The following CELF2 variants were observed in gnomAD, a reference collection of about 807,000 sequenced individuals.
CELF2 encodes the protein CUGBP Elav-like family member 2, also known as CUG triplet repeat RNA-binding protein 2.
A neutral mutation model predicts 62.6 loss-of-function variants in CELF2; 8 were observed. The ratio of observed to expected loss-of-function variants is 0.13; its 90% CI spans 0.07 to 0.23. The LOEUF is 0.23. Ranked by LOEUF, CELF2 falls within the 10% of genes least tolerant of loss-of-function variation. The pLI is 1.00. For synonymous variants in CELF2, 258 were observed against 250.0 expected (o/e 1.03, Z -0.30); for missense variants, 333 against 671.0 (o/e 0.50, Z 5.56).
intron 4 of CELF2, among the ~76,000 whole-genome samples, chr10:11,256,573 CT>C (rs374817123): frequency 0.017 from 1,722 of 100,838 alleles, 21 homozygotes; most frequent in Middle Eastern, 0.056. Flanking sequence ...TGGCTAGCTT[CT>C]TTTTTTTTTT....
At chr10:10,465,171 G>GA in the CELF2 span, among the ~76,000 whole-genome samples, 1 of 152,096 alleles carries the variant, frequency 6.6e-6, no homozygotes, top group Non-Finnish European at 1.5e-5. Context: ...ATTGCTCCCT[G>GA]AAAATACGAC....
At chr10:10,878,256 T>C (rs1047547800) in intron 1 of CELF2, among the ~76,000 whole-genome samples, 2 of 152,024 alleles carry the variant, frequency 1.3e-5, no homozygotes, top group Non-Finnish European at 1.5e-5. Flanking sequence ...TCAACTAGCT[T>C]GGACCCAAGG....
chr10:11,137,952 G>A (rs1185924299), intron 1 of CELF2, among the ~76,000 whole-genome samples: 1 of 152,176 alleles, frequency 6.6e-6, no homozygotes, highest in East Asian at 1.9e-4. Context: ...ACCAACCAGT[G>A]TTTGTTCAAT....
chr10:10,708,926 A>G, the CELF2 span, among the ~76,000 whole-genome samples: 1 of 152,182 alleles, frequency 6.6e-6, no homozygotes, highest in South Asian at 2.1e-4. Context: ...GGCTAAATTT[A>G]TATCTAGAAA....
chr10:10,825,891 A>G (rs1017052642), intron 1 of CELF2, among the ~76,000 whole-genome samples: 3 of 152,218 alleles, frequency 2.0e-5, no homozygotes, highest in African/African-American at 4.8e-5. Flanking sequence ...TCCAAAGATC[A>G]TCTTCATGAG....
chr10:10,838,169 T>G (rs1488298607), intron 1 of CELF2, among the ~76,000 whole-genome samples: 3 of 152,172 alleles, frequency 2.0e-5, no homozygotes, highest in African/African-American at 7.2e-5. Flanking sequence ...GCTTAGATAT[T>G]TTGTCGAATG....
intron 1 of CELF2, among the ~76,000 whole-genome samples, chr10:10,807,304 A>T (rs2131632629): frequency 6.6e-6 from 1 of 152,292 alleles, no homozygotes; most frequent in African/African-American, 2.4e-5. Context: ...ACATCTGCAA[A>T]TCCTGTAAGC....
the CELF2 span, among the ~76,000 whole-genome samples, chr10:10,506,452 A>G: frequency 1.3e-5 from 2 of 152,214 alleles, no homozygotes; most frequent in South Asian, 4.1e-4. Context: ...CACCAGAAAG[A>G]TTGATGTAAA....
At chr10:11,236,610 A>T (rs1190152839) in intron 3 of CELF2, among the ~76,000 whole-genome samples, 2 of 152,268 alleles carry the variant, frequency 1.3e-5, no homozygotes, top group Admixed American at 6.5e-5. Context: ...TTAATGAGTT[A>T]TCTGAAAAGA....
chr10:10,465,431 G>A, the CELF2 span, among the ~76,000 whole-genome samples: 1 of 152,092 alleles, frequency 6.6e-6, no homozygotes, highest in Non-Finnish European at 1.5e-5. Flanking sequence ...CTGAGTGTCT[G>A]GAGCTGACAT....
chr10:10,940,373 G>A (rs536030039), intron 2 of CELF2, among the ~76,000 whole-genome samples: 1 of 152,162 alleles, frequency 6.6e-6, no homozygotes, highest in Non-Finnish European at 1.5e-5. Context: ...GATAATCCCT[G>A]CTAAGTCCCA....
the CELF2 span, among the ~76,000 whole-genome samples, chr10:10,741,547 G>A: frequency 4.0e-5 from 6 of 150,102 alleles, no homozygotes; most frequent in East Asian, 7.8e-4. Context: ...AATACTCATC[G>A]GTTGTTTTGT....
chr10:10,649,337 G>A, the CELF2 span, among the ~76,000 whole-genome samples: 11 of 152,206 alleles, frequency 7.2e-5, no homozygotes, highest in African/African-American at 2.4e-4. Flanking sequence ...ATTAGATAGC[G>A]GGCTGGGTTT....
chr10:10,975,641 C>A (rs941962144), intron 2 of CELF2, among the ~76,000 whole-genome samples: 13 of 152,214 alleles, frequency 8.5e-5, no homozygotes, highest in African/African-American at 2.9e-4. Flanking sequence ...TAAGAGGAAT[C>A]TGATTATCAT....
intron 1 of CELF2, among the ~76,000 whole-genome samples, chr10:11,049,558 TAAAAAAAA>T (rs368708381): frequency 8.3e-5 from 8 of 96,906 alleles, no homozygotes; most frequent in African/African-American, 1.7e-4. Context: ...CTTTCTTTAG[TAAAAAAAA>T]AAAAAAAAAA....
upstream of CELF2, among the ~76,000 whole-genome samples, chr10:11,001,679 T>C (rs1244832807): frequency 6.6e-6 from 1 of 152,222 alleles, no homozygotes; most frequent in Non-Finnish European, 1.5e-5. Context: ...CAAGTTTGCA[T>C]TATTAGCTAA....
chr10:10,612,042 G>A, the CELF2 span, among the ~76,000 whole-genome samples: 6 of 152,078 alleles, frequency 3.9e-5, no homozygotes, highest in Non-Finnish European at 8.8e-5. Context: ...GTATTATGTG[G>A]CTCACACAAT....
chr10:11,274,364 T>C (rs919912029), intron 7 of CELF2, among the ~76,000 whole-genome samples: 3 of 152,198 alleles, frequency 2.0e-5, no homozygotes, highest in African/African-American at 7.2e-5. Context: ...GCAGGAAAAA[T>C]GCAGCCCTGA....
At chr10:10,635,220 T>G in the CELF2 span, among the ~76,000 whole-genome samples, 1 of 152,176 alleles carries the variant, frequency 6.6e-6, no homozygotes, top group Non-Finnish European at 1.5e-5. Flanking sequence ...AGTTGCCCCC[T>G]AAGAAATTAG....
Sources: allele counts gnomAD v4.1 joint callset (sites outside exome capture counted in the v4.1 genomes callset), GRCh38; gene constraint gnomAD v4.1.1; transcripts MANE v1.5; gene names NCBI Gene and HGNC (gene_info 2026-07-23, HGNC 2026-07-21).